DLG4: variants seen among roughly 807,000 people sequenced by gnomAD.
DLG4 encodes disks large homolog 4.
DLG4 carries 7 observed loss-of-function variants against 93.8 expected under a neutral mutation model. That is an observed-to-expected ratio of 0.07 (90% CI 0.04 to 0.14). The LOEUF (loss-of-function observed/expected upper bound fraction) is 0.14. DLG4 is among the 10% of genes least tolerant of loss of function. DLG4 has a pLI of 1.00. For synonymous variants in DLG4, 341 were observed against 387.6 expected (o/e 0.88, Z 1.41); for missense variants, 545 against 992.9 (o/e 0.55, Z 6.06).
Position 7,202,912 on chromosome 17 carries a change from T to C in DLG4, c.778A>G (p.Ile260Val), listed in dbSNP as rs200981137. The C allele has an allele frequency of 1.2e-6, 2 of 1,614,022 alleles. No homozygotes were observed. Among genetic ancestry groups the C allele is most frequent in the Admixed American group, 3.3e-5 (2 of 60,032 alleles). Reference sequence around the variant, plus strand: ...TTTGAAGGGCTCTCACAGGTTGTGATGTCTGGGGGAGCATAGCTGTCACTC... The same window carrying C: ...TTTGAAGGGCTCTCACAGGTTGTGACGTCTGGGGGAGCATAGCTGTCACTC... Reference protein sequence around the residue: ...YLSDSYAPPDITTSYSQHLDN... With the variant: ...YLSDSYAPPDVTTSYSQHLDN... Residue 260 changes from isoleucine to valine, a missense_variant, in exon 8 of 20, where the codon ATC becomes GTC. By Grantham distance (29) the Ile-to-Val change is conservative (BLOSUM62 3). This residue lies in a region of DLG4 where 428 missense variants were observed against 741.4 expected (regional missense o/e 0.58). Transcript: ENST00000399506.
intron 2 of DLG4, 191 bp from the exon 3 acceptor site, chr17:7,204,443 G>A (rs2070348056): frequency 7.0e-6 from 4 of 574,346 alleles, no homozygotes; most frequent in South Asian, 2.4e-5. Context: ...ATGCGCACGC[G>A]CACACACACG....
rs554702638 is a variant in DLG4 at position 7,212,981 on chromosome 17, C to T, written c.30+4137G>A. On this transcript the variant is annotated intron_variant, in intron 1 of 19. Transcript: ENST00000399506. The stretch of plus-strand genomic sequence containing the variant: ...CTGGGCAGCAGAGATTGCAGTGAGC[C>T]GAGATCGTGCCACTGCACTCTAGCC... Among the ~76,000 whole-genome samples, 26 of 152,028 alleles carry T rather than the reference C, an allele frequency of 1.7e-4. No individual in the cohort carries two copies. The East Asian group carries it at 3.1e-3, about 18-fold the overall frequency.
chr17:7,203,945 C>T lies in DLG4; in HGVS notation c.210+63G>A. The T allele has an allele frequency of 6.3e-7, 1 of 1,593,470 alleles. No individual in the cohort carries two copies. The highest frequency in any genetic ancestry group is 8.5e-7 in the Non-Finnish European group (1 of 1,169,614). Reference sequence around the variant, plus strand: ...GGTGAGGGGCTAGCCACCCAGACCACATGGCAGAAAGAAAGGTACAGACGG... The same window carrying T: ...GGTGAGGGGCTAGCCACCCAGACCATATGGCAGAAAGAAAGGTACAGACGG... On this transcript the variant is annotated intron_variant, in intron 4 of 19. Transcript: ENST00000399506. This position sits in a 1 kb window ranked among gnomAD's most constrained non-coding sequence, Gnocchi z 7.2.
rs2069598215 is a variant in DLG4 at position 7,193,336 on chromosome 17, T to C, written c.1693+147A>G. 16 of 997,470 alleles carry C rather than the reference T, an allele frequency of 1.6e-5. 2 individuals carry two copies. The South Asian group carries it at 2.8e-4, about 17-fold the overall frequency. The allele number at this position is 997,470 out of a possible 1,614,324, so 61.8% of individuals were successfully genotyped here. On this transcript the variant is annotated intron_variant, in intron 16 of 19. Coordinates refer to ENST00000399506, the MANE Select transcript of DLG4 (RefSeq NM_001321075.3). The surrounding 1 kb of genome is among the most constrained non-coding windows in gnomAD (Gnocchi z 6.7). ...GCATGGGTACTATGGAATGAGAGGG[T>C]GGCTGAGAAGCACCCCTTCTCGGAG...
rs936511586 is a variant in DLG4 at position 7,195,656 on chromosome 17, C to G, written c.1301+564G>C. Among the ~76,000 whole-genome samples the G allele has an allele frequency of 6.6e-6, 1 of 152,034 alleles. No individual in the cohort carries two copies. The highest frequency in any genetic ancestry group is 6.6e-5 in the Admixed American group (1 of 15,260). Reference sequence around the variant, plus strand: ...TCCGAGAGACATCTGCAGAGCGCAGCGGCAGACGAGGCCATGCAAGCCACA... The same window carrying G: ...TCCGAGAGACATCTGCAGAGCGCAGGGGCAGACGAGGCCATGCAAGCCACA... On this transcript the variant is annotated intron_variant, in intron 11 of 19. Coordinates refer to ENST00000399506, the MANE Select transcript of DLG4 (RefSeq NM_001321075.3). The surrounding 1 kb of genome is among the most constrained non-coding windows in gnomAD (Gnocchi z 4.3).
intron 1 of DLG4, 32 bp downstream of exon 1, chr17:7,217,086 C>T (rs2070951224): frequency 7.8e-7 from 1 of 1,279,714 alleles, no homozygotes; most frequent in African/African-American, 1.5e-5. Flanking sequence ...TCATACCCTC[C>T]CCCCAGTTTA....
Position 7,193,097 on chromosome 17 carries a change from C to T in DLG4, c.1714G>A (p.Glu572Lys). Residue 572 changes from glutamate to lysine, a missense_variant, in exon 17 of 20, where the codon GAG becomes AAG. Physicochemically the swap from Glu to Lys is moderately conservative, Grantham distance 56. This residue lies in a region of DLG4 where 428 missense variants were observed against 741.4 expected (regional missense o/e 0.58). Transcript: ENST00000399506. This position sits in a 1 kb window ranked among gnomAD's most constrained non-coding sequence, Gnocchi z 6.7. Reference sequence around the variant, plus strand: ...TAATCCCGGCCATCTATCTCATACTCCCGCTTGGGCCGTGTCGTATCTGCC... The same window carrying T: ...TAATCCCGGCCATCTATCTCATACTTCCGCTTGGGCCGTGTCGTATCTGCC... ...CVPHTTRPKREYEIDGRDYHF... is the reference protein window; with the variant it reads ...CVPHTTRPKRKYEIDGRDYHF... 1 of 1,613,788 alleles carries T rather than the reference C, an allele frequency of 6.2e-7. No individual in the cohort carries two copies.
chr17:7,218,040 G>A (rs2071014729), upstream of DLG4, among the ~76,000 whole-genome samples: 4 of 151,832 alleles, frequency 2.6e-5, no homozygotes, highest in Admixed American at 2.6e-4. Flanking sequence ...AACTGGGGCA[G>A]CCAAAGAAAA....
chr17:7,202,963 C>A lies in DLG4; in HGVS notation c.727G>T (p.Val243Leu). The A allele has an allele frequency of 6.2e-7, 1 of 1,614,016 alleles. No individual in the cohort carries two copies. Among genetic ancestry groups the A allele is most frequent in the Non-Finnish European group, 8.5e-7 (1 of 1,179,890 alleles). ...AGGTAGGCATTGCTGGGCTTGGCCA[C>A]CTTTAGGTAGACAACATCATACGTG... ...KNTYDVVYLK[V>L]AKPSNAYLSD... Residue 243 changes from valine to leucine, a missense_variant, in exon 8 of 20, where the codon GTG becomes TTG. This residue lies in a region of DLG4 where 428 missense variants were observed against 741.4 expected (regional missense o/e 0.58). Coordinates refer to ENST00000399506, the MANE Select transcript of DLG4 (RefSeq NM_001321075.3).
chr17:7,187,306 G>GGT lies in DLG4; in HGVS notation c.*3401_*3402insAC, dbSNP rs1567797325. Among the ~76,000 whole-genome samples the GGT allele has an allele frequency of 1.3e-4, 7 of 51,958 alleles. 2 individuals are homozygous for GGT. The East Asian group carries it at 3.7e-3, about 28-fold the overall frequency. 34.1% of individuals were successfully genotyped at this position (51,958 alleles called of 152,430 possible). On this transcript the variant is annotated 3_prime_UTR_variant, in exon 20 of 20. Transcript: ENST00000399506. ...TGTAATCCTAGCACTTTGGGAGGCC[G>GGT]AGGGGGGGGGGGGTGGATCACCCGA...
At chr17:7,197,940 T>C (rs1002592587) in intron 8 of DLG4, among the ~76,000 whole-genome samples, 1 of 152,216 alleles carries the variant, frequency 6.6e-6, no homozygotes, top group Non-Finnish European at 1.5e-5. Flanking sequence ...AACTCCTGTA[T>C]ACTTCATAGG....
chr17:7,217,540 G>A lies in DLG4; in HGVS notation c.-393C>T, dbSNP rs535410718. 3.6e-5 allele frequency: 25 copies of A among 686,634 alleles called. No individual in the cohort carries two copies. In the African/African-American group the frequency reaches 5.4e-4, roughly 15 times the overall value. The allele number at this position is 686,634 out of a possible 1,614,324, so 42.5% of individuals were successfully genotyped here. On this transcript the variant is annotated 5_prime_UTR_variant, in exon 1 of 20. Transcript: ENST00000399506. ...TCTTGCCAAACGGCCAGGGGCTAGG[G>A]GCCGTGGCGGGGGAGTGGGGTGGGG...
chr17:7,219,983 A>G, upstream of DLG4: 1 of 1,602,190 alleles, frequency 6.2e-7, no homozygotes, highest in Non-Finnish European at 8.5e-7. Context: ...AGAGATTCGG[A>G]GATGCAGGCG....
chr17:7,190,581 T>G lies in DLG4; in HGVS notation c.*127A>C. 1.4e-6 allele frequency: 1 copy of G among 716,176 alleles called. No individual in the cohort carries two copies. The highest frequency in any genetic ancestry group is 2.5e-6 in the Non-Finnish European group (1 of 405,966). The allele number at this position is 716,176 out of a possible 1,614,324, so 44.4% of individuals were successfully genotyped here. A position where few individuals can be genotyped will look rare whatever the true frequency, so the allele number is the denominator to read the frequency against. On this transcript the variant is annotated 3_prime_UTR_variant, in exon 20 of 20. Coordinates refer to ENST00000399506, the MANE Select transcript of DLG4 (RefSeq NM_001321075.3). ...CCCCCTCCAACAGGCTGGATCCAGT[T>G]AGAAAGGAAATAAATAAGAAGGGGT...
intron 1 of DLG4, among the ~76,000 whole-genome samples, chr17:7,216,022 CATCCGAG>C (rs2070897671): frequency 6.6e-6 from 1 of 151,622 alleles, no homozygotes; most frequent in African/African-American, 2.4e-5. Flanking sequence ...GCCTGTGCTC[CATCCGAG>C]ATCTCCTGCC....
Position 7,217,616 on chromosome 17 carries a change from GGA to G in DLG4, c.-471_-470del. Reference sequence around the variant, plus strand: ...GAGCCGTGGAGCCGAAGAGGGAAGGGGAGAGAGGAGGAGAGAGGAAGCAGGGG... The same window carrying G: ...GAGCCGTGGAGCCGAAGAGGGAAGGGGAGAGGAGGAGAGAGGAAGCAGGGG... On this transcript the variant is annotated 5_prime_UTR_variant, in exon 1 of 20. Transcript: ENST00000399506. 1 of 1,404,052 alleles carries G rather than the reference GGA, an allele frequency of 7.1e-7. No homozygotes were observed. 87.0% of individuals were successfully genotyped at this position (1,404,052 alleles called of 1,614,324 possible).
At position 7,191,419 on chromosome 17, in the gene DLG4, C is replaced by T. The variant is rs1734437090; in HGVS notation, c.1977-61G>A. ...ACCCACCTGACCCTGCCTTTTATCT[C>T]CTCTATCCAGGAATGTTAAGTATTC... On this transcript the variant is annotated intron_variant, in intron 18 of 19. Coordinates refer to ENST00000399506, the MANE Select transcript of DLG4 (RefSeq NM_001321075.3). The surrounding 1 kb of genome is among the most constrained non-coding windows in gnomAD (Gnocchi z 6.6). The T allele has an allele frequency of 3.1e-6, 4 of 1,288,188 alleles. No homozygotes were observed. Among genetic ancestry groups the T allele is most frequent in the Middle Eastern group, 1.8e-4 (1 of 5,432 alleles). 79.8% of individuals were successfully genotyped at this position (1,288,188 alleles called of 1,614,324 possible). A position where few individuals can be genotyped will look rare whatever the true frequency, so the allele number is the denominator to read the frequency against.
intron 2 of DLG4, 197 bp from the exon 3 acceptor site, chr17:7,204,449 A>C: frequency 1.8e-6 from 1 of 569,370 alleles, no homozygotes; most frequent in Non-Finnish European, 3.1e-6. Context: ...ACGCGCACAC[A>C]CACGCACAGA....
In DLG4 at chr17:7,187,264, G is replaced by A. The variant is rs1373841708; in HGVS notation, c.*3444C>T. 2.0e-5 allele frequency among the ~76,000 whole-genome samples: 3 copies of A among 148,552 alleles called. No individual in the cohort carries two copies. Among genetic ancestry groups the A allele is most frequent in the African/African-American group, 7.3e-5 (3 of 40,846 alleles). On this transcript the variant is annotated 3_prime_UTR_variant, in exon 20 of 20. Coordinates refer to ENST00000399506, the MANE Select transcript of DLG4 (RefSeq NM_001321075.3). ...TTACAAAATAATGCATGCAGGCCAGGCGCGGTGGCTCATGCCTGTAATCCT... is the reference window on the plus strand; with the variant it reads ...TTACAAAATAATGCATGCAGGCCAGACGCGGTGGCTCATGCCTGTAATCCT...
Sources: allele counts gnomAD v4.1 joint callset (sites outside exome capture counted in the v4.1 genomes callset), GRCh38; gene constraint gnomAD v4.1.1; regional missense constraint gnomAD v4.1.1; non-coding constraint Gnocchi (gnomAD v3.1); transcripts MANE v1.5; gene names NCBI Gene and HGNC (gene_info 2026-07-23, HGNC 2026-07-21).